Variants in FLT1 observed in about 807,000 individuals in gnomAD.
FLT1 encodes vascular endothelial growth factor receptor 1.
In FLT1, 49 loss-of-function variants were observed where a neutral mutation model predicts 156.3. The ratio of observed to expected loss-of-function variants is 0.31; its 90% CI spans 0.25 to 0.40. The LOEUF is 0.40. FLT1 is among the 10% of genes least tolerant of loss of function. FLT1 has a pLI of 1.00. For missense variants in FLT1, 1,322 were observed against 1,637.2 expected, an observed-to-expected ratio of 0.81 and a Z score of 3.32; for synonymous variants, 594 against 583.8, an observed-to-expected ratio of 1.02 and a Z score of -0.25.
chr13:28,369,625 T>A (rs1873462107), intron 14 of FLT1, among the ~76,000 whole-genome samples: 1 of 152,224 alleles, frequency 6.6e-6, no homozygotes, highest in Non-Finnish European at 1.5e-5. Context: ...GTTTCTTCTT[T>A]ATTGAGAATT....
intron 1 of FLT1, among the ~76,000 whole-genome samples, chr13:28,468,405 A>G (rs1482201801): frequency 6.6e-6 from 1 of 152,246 alleles, no homozygotes; most frequent in Non-Finnish European, 1.5e-5. Flanking sequence ...CATCCATTTT[A>G]GTGACTAGCT....
At chr13:28,366,258 G>T (rs1373903481) in intron 14 of FLT1, among the ~76,000 whole-genome samples, 1 of 152,132 alleles carries the variant, frequency 6.6e-6, no homozygotes, top group Non-Finnish European at 1.5e-5. Flanking sequence ...CTTTTATGTT[G>T]TTACTAAGCA....
At chr13:28,311,849 A>T in intron 26 of FLT1, 117 bp from the exon 27 acceptor site, 1 of 1,182,736 alleles carries the variant, frequency 8.5e-7, no homozygotes, top group Non-Finnish European at 1.3e-6. Context: ...TTTTGAGAAG[A>T]TAATTCTGTA....
intron 14 of FLT1, among the ~76,000 whole-genome samples, chr13:28,363,282 A>G (rs9513089): frequency 0.53 from 80,811 of 152,070 alleles, 23,391 homozygotes; most frequent in Middle Eastern, 0.66. Flanking sequence ...AGTATAACTC[A>G]TGTATCTACC....
intron 14 of FLT1, among the ~76,000 whole-genome samples, chr13:28,382,523 G>T (rs1220700832): frequency 3.9e-5 from 6 of 152,262 alleles, no homozygotes; most frequent in African/African-American, 1.4e-4. Context: ...TTGAAGCAGG[G>T]AAGTGACATG....
At chr13:28,320,550 T>C (rs964684588) in intron 23 of FLT1, among the ~76,000 whole-genome samples, 61 of 152,176 alleles carry the variant, frequency 4.0e-4, no homozygotes, top group Admixed American at 1.4e-3. Flanking sequence ...TGCATTTTTT[T>C]TTTTTTTTAG....
chr13:28,353,977 T>G (rs1872816098), intron 15 of FLT1, among the ~76,000 whole-genome samples: 1 of 152,208 alleles, frequency 6.6e-6, no homozygotes, highest in Admixed American at 6.5e-5. Flanking sequence ...CCAACCTCTT[T>G]AAATCTGTTA....
At chr13:28,423,176 C>T (rs2137531759) in intron 10 of FLT1, among the ~76,000 whole-genome samples, 1 of 152,256 alleles carries the variant, frequency 6.6e-6, no homozygotes, top group Middle Eastern at 3.4e-3. Flanking sequence ...CCCACATGCC[C>T]AGTCAGCCCA....
At chr13:28,441,777 C>T (rs1878346852) in intron 3 of FLT1, among the ~76,000 whole-genome samples, 1 of 151,836 alleles carries the variant, frequency 6.6e-6, no homozygotes, top group South Asian at 2.1e-4. Flanking sequence ...CCCTTCTCTG[C>T]CCAAAAAAAG....
At chr13:28,430,264 T>C in intron 7 of FLT1, 97 bp from the exon 8 acceptor site, 1 of 812,226 alleles carries the variant, frequency 1.2e-6, no homozygotes, top group Non-Finnish European at 2.1e-6. Flanking sequence ...AATGAGTAAA[T>C]AAACAGAGCT....
chr13:28,397,633 C>T (rs996473721), intron 11 of FLT1, among the ~76,000 whole-genome samples: 5 of 152,092 alleles, frequency 3.3e-5, no homozygotes, highest in South Asian at 2.1e-4. Context: ...GCAGTTTTCC[C>T]GCTTTTGTCT....
chr13:28,459,407 T>G (rs550889264), intron 3 of FLT1, among the ~76,000 whole-genome samples: 1 of 152,310 alleles, frequency 6.6e-6, no homozygotes, highest in South Asian at 2.1e-4. Context: ...TACTGGAAGA[T>G]TAGTGTTAGA....
chr13:28,481,247 G>C (rs1880824829), intron 1 of FLT1, among the ~76,000 whole-genome samples: 1 of 152,184 alleles, frequency 6.6e-6, no homozygotes, highest in Admixed American at 6.5e-5. Context: ...TTCTCTAGAA[G>C]ATGGGCAGTG....
chr13:28,371,889 GTTTGTTAAA>G (rs1409805156), intron 14 of FLT1, among the ~76,000 whole-genome samples: 1 of 151,450 alleles, frequency 6.6e-6, no homozygotes, highest in Non-Finnish European at 1.5e-5. Flanking sequence ...CAGTAGTTTT[GTTTGTTAAA>G]TTTGTTGCCT....
chr13:28,472,149 G>A (rs769112367), intron 1 of FLT1, among the ~76,000 whole-genome samples: 6 of 152,056 alleles, frequency 3.9e-5, no homozygotes, highest in Non-Finnish European at 5.9e-5. Context: ...CTCTCCTTTC[G>A]CACATGCTAG....
chr13:28,425,765 A>T (rs1448598691), intron 10 of FLT1, among the ~76,000 whole-genome samples: 2 of 152,160 alleles, frequency 1.3e-5, no homozygotes, highest in Non-Finnish European at 1.5e-5. Context: ...AGGTTGGCAC[A>T]TATGTCAAGA....
At chr13:28,398,879 T>C (rs1875238734) in intron 11 of FLT1, among the ~76,000 whole-genome samples, 1 of 152,180 alleles carries the variant, frequency 6.6e-6, no homozygotes, top group Non-Finnish European at 1.5e-5. Flanking sequence ...TATTCTCTCT[T>C]TTGCAAGGAA....
intron 11 of FLT1, among the ~76,000 whole-genome samples, chr13:28,403,370 A>T (rs1400516239): frequency 6.6e-6 from 1 of 152,164 alleles, no homozygotes; most frequent in Non-Finnish European, 1.5e-5. Flanking sequence ...AAATCTTGGG[A>T]CGTTCTTTTA....
At chr13:28,419,534 C>G (rs759660159) in intron 10 of FLT1, among the ~76,000 whole-genome samples, 23 of 152,212 alleles carry the variant, frequency 1.5e-4, no homozygotes, top group Non-Finnish European at 2.6e-4. Context: ...GTGTCACTAT[C>G]TTCTGGTAAC....
Sources: gnomAD v4.1 joint callset for allele counts (sites outside exome capture counted in the v4.1 genomes callset) on GRCh38, gnomAD v4.1.1 for gene constraint, MANE v1.5 for transcripts, NCBI Gene and HGNC (gene_info 2026-07-23, HGNC 2026-07-21) for gene names.